The following RNF216 variants were observed in gnomAD, a reference collection of about 807,000 sequenced individuals.
RNF216 encodes the protein E3 ubiquitin-protein ligase RNF216.
RNF216 carries 72 observed loss-of-function variants against 110.8 expected under a neutral mutation model. That is an observed-to-expected ratio of 0.65 (90% CI 0.54 to 0.79). The LOEUF is 0.79. Among genes scored for constraint, RNF216 ranks in the 30% least tolerant of loss-of-function variants. The probability of loss-of-function intolerance (pLI) is 0.00; values close to 1 mark genes in which losing one functional copy is unlikely to be tolerated. For synonymous variants in RNF216, 495 were observed against 407.5 expected (o/e 1.21, Z -2.59); for missense variants, 1,342 against 1,141.2 (o/e 1.18, Z -2.54).
At chr7:5,647,386 T>C (rs1788120398) in intron 14 of RNF216, among the ~76,000 whole-genome samples, 1 of 144,940 alleles carries the variant, frequency 6.9e-6, no homozygotes, top group South Asian at 2.2e-4. Context: ...CAGGCTGGAG[T>C]ACACTTGTAC....
At chr7:5,644,715 G>C (rs1202382783) in intron 14 of RNF216, among the ~76,000 whole-genome samples, 2 of 152,094 alleles carry the variant, frequency 1.3e-5, no homozygotes, top group African/African-American at 4.8e-5. Context: ...ATGTTGTCCA[G>C]GCTGGTCTTA....
chr7:5,716,648 A>C, intron 10 of RNF216, 68 bp downstream of exon 10: 1 of 1,330,632 alleles, frequency 7.5e-7, no homozygotes, highest in Non-Finnish European at 1.1e-6. Flanking sequence ...AAAAATGCTG[A>C]CAAAACATGG....
intron 13 of RNF216, among the ~76,000 whole-genome samples, chr7:5,704,176 G>A (rs148462363): frequency 5.3e-5 from 8 of 152,240 alleles, no homozygotes; most frequent in South Asian, 2.1e-4. Flanking sequence ...CCAGAGGACT[G>A]ATTCCAGCCA....
In RNF216 at chr7:5,717,542, C is replaced by T. The variant is rs114789414; in HGVS notation, c.1645-776G>A. On this transcript the variant is annotated intron_variant, in intron 9 of 16. Coordinates refer to ENST00000389902, the MANE Select transcript of RNF216 (RefSeq NM_207111.4). ...GCCCAAAGATGCAACTGGGCAGAAA[C>T]AGGGAATGATGTATGCACAAACTTA... Among the ~76,000 whole-genome samples, 1,008 of 152,210 alleles carry T rather than the reference C, an allele frequency of 6.6e-3. 12 individuals carry two copies. The highest frequency in any genetic ancestry group is 0.023 in the African/African-American group (941 of 41,512).
At chr7:5,704,010 A>C (rs1205686477) in intron 13 of RNF216, among the ~76,000 whole-genome samples, 1 of 152,210 alleles carries the variant, frequency 6.6e-6, no homozygotes, top group African/African-American at 2.4e-5. Context: ...CACCCAATTC[A>C]TTCCTAAAAG....
Position 5,721,086 on chromosome 7 carries a change from C to A in RNF216, c.1591G>T (p.Ala531Ser), listed in dbSNP as rs887480875. 6.2e-7 allele frequency: 1 copy of A among 1,614,150 alleles called. No homozygotes were observed. The highest frequency in any genetic ancestry group is 8.5e-7 in the Non-Finnish European group (1 of 1,179,986). The change falls in exon 9 of 17, where the codon GCT becomes TCT. Residue 531 changes from alanine to serine, a missense_variant. By Grantham distance (99) the Ala-to-Ser change is moderately conservative. Coordinates refer to ENST00000389902, the MANE Select transcript of RNF216 (RefSeq NM_207111.4). ...RSYDRRALLPAVQQEQEFYEQ... is the reference protein window; with the variant it reads ...RSYDRRALLPSVQQEQEFYEQ... The stretch of plus-strand genomic sequence containing the variant: ...TAGAACTCCTGCTCTTGTTGCACAG[C>A]TGGAAGGAGAGCACGTCGGTCATAG...
chr7:5,706,064 CA>C (rs1156784477), intron 13 of RNF216, among the ~76,000 whole-genome samples: 1 of 147,904 alleles, frequency 6.8e-6, no homozygotes. Context: ...ACTAAAAATG[CA>C]AAAAATTAGC....
At chr7:5,756,014 C>T (rs1305018944) in intron 2 of RNF216, among the ~76,000 whole-genome samples, 1 of 152,126 alleles carries the variant, frequency 6.6e-6, no homozygotes. Context: ...CCAAAAATCT[C>T]ATCTTGAATT....
chr7:5,754,898 T>C (rs2128665775), intron 2 of RNF216, among the ~76,000 whole-genome samples: 1 of 151,916 alleles, frequency 6.6e-6, no homozygotes. Context: ...TGTGGTGGCA[T>C]GCAACTGTAA....
At chr7:5,699,809 T>C (rs1208394429) in intron 13 of RNF216, among the ~76,000 whole-genome samples, 2 of 152,258 alleles carry the variant, frequency 1.3e-5, no homozygotes, top group Middle Eastern at 3.2e-3. Context: ...ATTTTCTAAC[T>C]GTGGTCTGTG....
chr7:5,691,279 C>T (rs149267220), intron 13 of RNF216, among the ~76,000 whole-genome samples: 1 of 152,326 alleles, frequency 6.6e-6, no homozygotes, highest in African/African-American at 2.4e-5. Flanking sequence ...CATTTGACTG[C>T]TAGGACACTG....
intron 8 of RNF216, among the ~76,000 whole-genome samples, chr7:5,723,172 A>G (rs979417868): frequency 5.3e-5 from 8 of 152,174 alleles, no homozygotes; most frequent in African/African-American, 1.7e-4. Context: ...AAATGAATTA[A>G]TCCATTAAAG....
intron 1 of RNF216, among the ~76,000 whole-genome samples, chr7:5,779,111 C>T (rs1244003342): frequency 6.6e-6 from 1 of 152,202 alleles, no homozygotes; most frequent in Non-Finnish European, 1.5e-5. Flanking sequence ...AATTATGTCT[C>T]TAAAGAGCTA....
At chr7:5,640,864 C>A (rs1787693008) in intron 15 of RNF216, among the ~76,000 whole-genome samples, 1 of 152,206 alleles carries the variant, frequency 6.6e-6, no homozygotes, top group African/African-American at 2.4e-5. Flanking sequence ...TGAACAGATA[C>A]ATGTGTAAGT....
intron 13 of RNF216, among the ~76,000 whole-genome samples, chr7:5,682,035 G>A (rs1171269948): frequency 2.0e-5 from 3 of 152,208 alleles, no homozygotes; most frequent in East Asian, 1.9e-4. Flanking sequence ...TCTGTGGCCG[G>A]CTGCTGCCTC....
intron 13 of RNF216, among the ~76,000 whole-genome samples, chr7:5,665,461 G>C (rs183301880): frequency 6.6e-6 from 1 of 152,166 alleles, no homozygotes; most frequent in Non-Finnish European, 1.5e-5. Context: ...ATCTTGAAGT[G>C]TTATTTCTGT....
chr7:5,740,118 TTTTTTTTTTTTTTTTTTTTTTTTTG>T (rs1198557020), intron 4 of RNF216, among the ~76,000 whole-genome samples: 4 of 3,820 alleles, frequency 1.0e-3, no homozygotes, highest in East Asian at 0.067. Context: ...TTTTTTTTTT[TTTTTTTTTTTTTTTTTTTTTTTTTG>T]TGAGATAGAG....
chr7:5,747,759 A>AAAG (rs1795105344), intron 3 of RNF216, among the ~76,000 whole-genome samples: 1 of 131,238 alleles, frequency 7.6e-6, no homozygotes, highest in African/African-American at 3.7e-5. Context: ...AAAAAAAAAA[A>AAAG]AAAAAAAAAA....
At chr7:5,748,502 A>C (rs1040775150) in intron 3 of RNF216, among the ~76,000 whole-genome samples, 3 of 152,140 alleles carry the variant, frequency 2.0e-5, no homozygotes, top group Admixed American at 2.0e-4. Context: ...TTGGCCTCCC[A>C]AAGTGCTGGG....
Sources: allele counts gnomAD v4.1 joint callset (sites outside exome capture counted in the v4.1 genomes callset), GRCh38; gene constraint gnomAD v4.1.1; transcripts MANE v1.5; gene names NCBI Gene and HGNC (gene_info 2026-07-23, HGNC 2026-07-21).